The following PLD5 variants were observed in gnomAD, a reference collection of about 807,000 sequenced individuals.
PLD5 encodes the protein inactive phospholipase D5.
Under a neutral mutation model 61.1 loss-of-function variants are expected in PLD5, and 36 were observed. That is an observed-to-expected ratio of 0.59 (90% confidence interval 0.45 to 0.78). The LOEUF (loss-of-function observed/expected upper bound fraction) is 0.78, where lower values mean the gene tolerates loss of function less well. PLD5 is among the 30% of genes least tolerant of loss of function. The pLI, the probability that PLD5 is intolerant of heterozygous loss-of-function variation, is 0.00. For missense variants in PLD5, 515 were observed against 644.4 expected (o/e 0.80, Z 2.17); for synonymous variants, 243 against 242.8 (o/e 1.00, Z -0.01).
At chr1:242,393,664 ATATATATGAG>A (rs1232736049) in intron 1 of PLD5, among the ~76,000 whole-genome samples, 1 of 106,074 alleles carries the variant, frequency 9.4e-6, no homozygotes, top group Non-Finnish European at 1.9e-5. Flanking sequence ...ATATATGTGT[ATATATATGAG>A]TATATATGTG....
intron 1 of PLD5, among the ~76,000 whole-genome samples, chr1:242,448,294 T>A (rs562762465): frequency 2.4e-4 from 36 of 152,278 alleles, no homozygotes; most frequent in Middle Eastern, 6.8e-3. Flanking sequence ...ATTTCCCTCT[T>A]TCTGAGTTGC....
intron 1 of PLD5, among the ~76,000 whole-genome samples, chr1:242,404,911 A>C (rs1166463343): frequency 1.7e-5 from 1 of 59,502 alleles, no homozygotes; most frequent in Non-Finnish European, 2.9e-5. Flanking sequence ...ATGTAGTCTC[A>C]CTCTGTCAAC....
Position 242,406,261 on chromosome 1 carries a change from G to A in PLD5, c.190-58019C>T, listed in dbSNP as rs140327358. Among the ~76,000 whole-genome samples the A allele has an allele frequency of 7.6e-3, 1,163 of 152,234 alleles. 7 individuals carry two copies. The highest frequency in any genetic ancestry group is 0.012 in the Non-Finnish European group (811 of 68,022). On this transcript the variant is annotated intron_variant, in intron 1 of 9. Coordinates refer to ENST00000536534, the MANE Select transcript of PLD5 (RefSeq NM_001372062.1). ...CCAGGGTTTGTCACAGAGCCTGGCCGCTGGAGGCTGCTGCATAAATTACTA... is the reference window on the plus strand; with the variant it reads ...CCAGGGTTTGTCACAGAGCCTGGCCACTGGAGGCTGCTGCATAAATTACTA...
intron 1 of PLD5, among the ~76,000 whole-genome samples, chr1:242,376,451 A>G (rs1661962393): frequency 6.6e-6 from 1 of 152,184 alleles, no homozygotes; most frequent in African/African-American, 2.4e-5. Flanking sequence ...TGAGACCCAC[A>G]ATTACTTACT....
At chr1:242,437,856 A>G (rs1219959461) in intron 1 of PLD5, among the ~76,000 whole-genome samples, 1 of 152,230 alleles carries the variant, frequency 6.6e-6, no homozygotes, top group Non-Finnish European at 1.5e-5. Flanking sequence ...AAACGGGCCC[A>G]AGATCACATC....
chr1:242,249,029 T>A (rs1357124027), intron 4 of PLD5, among the ~76,000 whole-genome samples: 1 of 152,100 alleles, frequency 6.6e-6, no homozygotes, highest in Non-Finnish European at 1.5e-5. Flanking sequence ...AGGCCTGTAA[T>A]CCCAGCTACT....
At position 242,191,020 on chromosome 1, in the gene PLD5, C is replaced by T. The variant is rs376273125; in HGVS notation, c.735+28968G>A. Among the ~76,000 whole-genome samples the T allele has an allele frequency of 5.3e-4, 81 of 152,080 alleles. 2 individuals are homozygous for T. The South Asian group carries it at 0.016, about 30-fold the overall frequency. On this transcript the variant is annotated intron_variant, in intron 5 of 9. Transcript: ENST00000536534. The stretch of plus-strand genomic sequence containing the variant: ...GGACAACACGTTGGTATAGAATGTA[C>T]CAGCAATAATGAAATTAACACCCAA...
chr1:242,376,325 G>A (rs1352008165), intron 1 of PLD5, among the ~76,000 whole-genome samples: 3 of 152,100 alleles, frequency 2.0e-5, no homozygotes, highest in Non-Finnish European at 4.4e-5. Context: ...CCTTCGGCGT[G>A]GCCTGAAGAC....
chr1:242,398,047 T>C (rs1451294014), intron 1 of PLD5, among the ~76,000 whole-genome samples: 1 of 152,178 alleles, frequency 6.6e-6, no homozygotes, highest in African/African-American at 2.4e-5. Flanking sequence ...TTTTCCAAAC[T>C]AGGGCTTTCC....
At chr1:242,192,624 C>T (rs541414168) in intron 5 of PLD5, among the ~76,000 whole-genome samples, 1 of 152,194 alleles carries the variant, frequency 6.6e-6, no homozygotes, top group African/African-American at 2.4e-5. Flanking sequence ...TCCTAAGAAA[C>T]TAGACAAATG....
chr1:242,424,988 T>G (rs1038574892), intron 1 of PLD5, among the ~76,000 whole-genome samples: 1 of 152,050 alleles, frequency 6.6e-6, no homozygotes, highest in Non-Finnish European at 1.5e-5. Flanking sequence ...AACAATTAGC[T>G]GGGTGTGGTT....
In PLD5 at chr1:242,516,839, T is replaced by TAC. The variant is rs1332439880; in HGVS notation, c.189+7247_189+7248dup. Among the ~76,000 whole-genome samples the TAC allele has an allele frequency of 2.6e-5, 4 of 152,212 alleles. No homozygotes were observed. In the East Asian group the frequency reaches 7.7e-4, roughly 29 times the overall value. ...TATAAATTTTAGAATCATTTTTCAA[T>TAC]ACACACACACACAAACTTGTTGACA... is the stretch of plus-strand genomic sequence containing the variant. On this transcript the variant is annotated intron_variant, in intron 1 of 9. Coordinates refer to ENST00000536534, the MANE Select transcript of PLD5 (RefSeq NM_001372062.1).
intron 7 of PLD5, among the ~76,000 whole-genome samples, chr1:242,112,478 C>T (rs546244713): frequency 1.3e-5 from 2 of 152,120 alleles, no homozygotes; most frequent in South Asian, 2.1e-4. Context: ...GGATTACAGG[C>T]GTGCGCCACC....
chr1:242,494,866 T>A (rs1056868492), intron 1 of PLD5, among the ~76,000 whole-genome samples: 1 of 133,982 alleles, frequency 7.5e-6, no homozygotes, highest in Admixed American at 7.2e-5. Context: ...ACCCCCAATT[T>A]TTTTTTCTTT....
At chr1:242,416,319 T>C (rs1664834045) in intron 1 of PLD5, among the ~76,000 whole-genome samples, 1 of 152,150 alleles carries the variant, frequency 6.6e-6, no homozygotes, top group African/African-American at 2.4e-5. Context: ...TATTATACTC[T>C]TCTACATACT....
chr1:242,306,126 T>C (rs1445533045), intron 2 of PLD5, among the ~76,000 whole-genome samples: 1 of 151,834 alleles, frequency 6.6e-6, no homozygotes, highest in Non-Finnish European at 1.5e-5. Context: ...GCTGATGGGT[T>C]CTACTGACAA....
At chr1:242,113,307 A>C (rs576487130) in intron 7 of PLD5, among the ~76,000 whole-genome samples, 8 of 151,922 alleles carry the variant, frequency 5.3e-5, no homozygotes, top group African/African-American at 1.4e-4. Context: ...GTTAGCCAGG[A>C]TGGTCTCGAT....
chr1:242,266,723 G>A (rs1252580760), intron 3 of PLD5, among the ~76,000 whole-genome samples: 2 of 152,262 alleles, frequency 1.3e-5, no homozygotes, highest in African/African-American at 2.4e-5. Flanking sequence ...TGGTAAGAAT[G>A]GACTGTGGAT....
intron 1 of PLD5, among the ~76,000 whole-genome samples, chr1:242,407,556 G>GGT (rs1553369639): frequency 1.1e-4 from 12 of 105,514 alleles, no homozygotes; most frequent in African/African-American, 5.7e-4. Context: ...TGTTGTGGTT[G>GGT]TTTTGTTTTT....
Sources: gnomAD v4.1 joint callset for allele counts (sites outside exome capture counted in the v4.1 genomes callset) on GRCh38, gnomAD v4.1.1 for gene constraint, MANE v1.5 for transcripts, NCBI Gene and HGNC (gene_info 2026-07-23, HGNC 2026-07-21) for gene names.